Variants in NTM observed in about 807,000 individuals in gnomAD.
NTM encodes IgLON family member 2.
Under a neutral mutation model 42.1 loss-of-function variants are expected in NTM, and 13 were observed. That is an observed-to-expected ratio of 0.31 (90% CI 0.20 to 0.49). NTM has a LOEUF of 0.49. Among genes scored for constraint, NTM ranks in the 20% least tolerant of loss-of-function variants. The pLI, the probability that NTM is intolerant of heterozygous loss-of-function variation, is 0.99. For synonymous variants in NTM, 187 were observed against 179.2 expected (o/e 1.04, Z -0.35); for missense variants, 373 against 452.8 (o/e 0.82, Z 1.60).
At chr11:131,883,229 A>G (rs796217881) in intron 1 of NTM, among the ~76,000 whole-genome samples, 9 of 152,358 alleles carry the variant, frequency 5.9e-5, no homozygotes, top group African/African-American at 1.7e-4. Context: ...TCTTCTAATA[A>G]TTAAAAAGGA....
At chr11:131,730,724 G>T (rs111876383) in intron 1 of NTM, among the ~76,000 whole-genome samples, 4,970 of 120,040 alleles carry the variant, frequency 0.041, 383 homozygotes, top group African/African-American at 0.13. Context: ...TCTGTTAAAA[G>T]AAGAAGAAGA....
intron 1 of NTM, among the ~76,000 whole-genome samples, chr11:131,844,361 C>T (rs185944361): frequency 3.3e-5 from 5 of 152,248 alleles, no homozygotes; most frequent in Admixed American, 2.0e-4. Context: ...GCCCATTCCA[C>T]ACTACCTTAA....
At chr11:132,180,837 C>T (rs1329856405) in intron 3 of NTM, among the ~76,000 whole-genome samples, 3 of 152,166 alleles carry the variant, frequency 2.0e-5, no homozygotes, top group Admixed American at 6.5e-5. Flanking sequence ...ATTTTCTTTC[C>T]ATTGTATTCG....
chr11:131,685,331 G>A lies in NTM; in HGVS notation c.83-226233G>A, dbSNP rs186344743. On this transcript the variant is annotated intron_variant, in intron 1 of 8. Coordinates refer to ENST00000683400, the MANE Select transcript of NTM (RefSeq NM_001352005.2). ...CAGCTGGGGGCTCATGGAGAGTCGG[G>A]CATCCATGGGAAGCAGCTGGGGGCT... Among the ~76,000 whole-genome samples, 307 of 152,236 alleles carry A rather than the reference G, an allele frequency of 2.0e-3. 1 individual carries two copies. Among genetic ancestry groups the A allele is most frequent in the African/African-American group, 7.1e-3 (296 of 41,538 alleles).
intron 1 of NTM, among the ~76,000 whole-genome samples, chr11:131,558,141 G>T (rs1402918274): frequency 6.6e-6 from 1 of 152,190 alleles, no homozygotes; most frequent in Non-Finnish European, 1.5e-5. Context: ...GTGCAAGGCG[G>T]ATGCTTGAGG....
intron 1 of NTM, among the ~76,000 whole-genome samples, chr11:131,572,367 A>G (rs1041975360): frequency 2.6e-5 from 4 of 151,880 alleles, no homozygotes; most frequent in African/African-American, 9.7e-5. Flanking sequence ...CCCTAAGGAC[A>G]CTCTTAGGCA....
chr11:131,620,911 G>A (rs1057439947), intron 1 of NTM, among the ~76,000 whole-genome samples: 7 of 152,182 alleles, frequency 4.6e-5, no homozygotes, highest in African/African-American at 1.7e-4. Context: ...GCACATAGTA[G>A]ATGTCCAATA....
At chr11:131,896,426 T>C (rs2052274746) in intron 1 of NTM, among the ~76,000 whole-genome samples, 1 of 152,178 alleles carries the variant, frequency 6.6e-6, no homozygotes, top group Admixed American at 6.5e-5. Context: ...AGAATCACCA[T>C]GAATGTGACA....
intron 2 of NTM, among the ~76,000 whole-genome samples, chr11:131,974,697 T>C (rs548228149): frequency 3.9e-5 from 6 of 152,350 alleles, no homozygotes; most frequent in African/African-American, 1.4e-4. Flanking sequence ...AAAATGCTCT[T>C]TGCCTTAGTC....
At chr11:131,839,454 C>T (rs569429666) in intron 1 of NTM, among the ~76,000 whole-genome samples, 2 of 152,152 alleles carry the variant, frequency 1.3e-5, no homozygotes, top group Non-Finnish European at 2.9e-5. Flanking sequence ...GAAAGAAAGT[C>T]CACCTGAGGA....
At chr11:131,826,441 C>T (rs1376216001) in intron 1 of NTM, among the ~76,000 whole-genome samples, 1 of 151,984 alleles carries the variant, frequency 6.6e-6, no homozygotes, top group African/African-American at 2.4e-5. Flanking sequence ...GGAAGGACGT[C>T]TCTAGACTCT....
At chr11:131,611,423 T>A (rs1475088031) in intron 1 of NTM, among the ~76,000 whole-genome samples, 1 of 152,204 alleles carries the variant, frequency 6.6e-6, no homozygotes. Context: ...ACACGCTGCA[T>A]ATGAACATGA....
intron 1 of NTM, among the ~76,000 whole-genome samples, chr11:131,408,253 G>GAATA (rs2135733290): frequency 6.6e-6 from 1 of 152,284 alleles, no homozygotes; most frequent in East Asian, 1.9e-4. Context: ...TCTTGCTCAC[G>GAATA]TTTGCAAAAT....
chr11:132,174,070 G>A (rs917328154), intron 3 of NTM, among the ~76,000 whole-genome samples: 1 of 152,208 alleles, frequency 6.6e-6, no homozygotes, highest in South Asian at 2.1e-4. Flanking sequence ...TTCAACGGAG[G>A]GAAGCAGTGG....
intron 7 of NTM, 164 bp downstream of exon 7, chr11:132,314,867 G>A (rs1475497049): frequency 2.9e-6 from 4 of 1,373,644 alleles, no homozygotes; most frequent in Non-Finnish European, 3.7e-6. Context: ...TGGAGAGAGA[G>A]GGACAGAGAG....
intron 2 of NTM, among the ~76,000 whole-genome samples, chr11:131,914,155 G>C (rs2055843563): frequency 6.6e-6 from 1 of 152,180 alleles, no homozygotes; most frequent in Admixed American, 6.5e-5. Context: ...TATTTTGTTT[G>C]CATAAAAATT....
chr11:132,310,654 T>C lies in NTM; in HGVS notation c.782+422T>C, dbSNP rs1591916641. On this transcript the variant is annotated intron_variant, in intron 6 of 8. Transcript: ENST00000683400. ...TGGCTAATAAGTTAGCTGCAGCTAG[T>C]AGGTCTCCCCTCCTGTTCCAGACAC... Among the ~76,000 whole-genome samples the C allele has an allele frequency of 5.3e-5, 8 of 152,260 alleles. 1 individual carries two copies. The South Asian group carries it at 1.7e-3, about 32-fold the overall frequency.
intron 3 of NTM, among the ~76,000 whole-genome samples, chr11:132,158,167 G>T (rs546805148): frequency 1.3e-5 from 2 of 152,080 alleles, no homozygotes; most frequent in Admixed American, 6.5e-5. Context: ...TCCTTGGTCC[G>T]GCCACCAGTG....
Position 131,879,519 on chromosome 11 carries a change from C to G in NTM, c.83-32045C>G, listed in dbSNP as rs977603998. Reference sequence around the variant, plus strand: ...CTGAAGTAAACTTATTAGGTGAATTCAAGAATATAAAGCAAAATCGAGGGT... The same window carrying G: ...CTGAAGTAAACTTATTAGGTGAATTGAAGAATATAAAGCAAAATCGAGGGT... On this transcript the variant is annotated intron_variant, in intron 1 of 8. Transcript: ENST00000683400. Among the ~76,000 whole-genome samples, 4 of 152,160 alleles carry G rather than the reference C, an allele frequency of 2.6e-5. No individual in the cohort carries two copies. The East Asian group carries it at 7.7e-4, about 29-fold the overall frequency.
Sources: allele counts gnomAD v4.1 joint callset (sites outside exome capture counted in the v4.1 genomes callset), GRCh38; gene constraint gnomAD v4.1.1; transcripts MANE v1.5; gene names NCBI Gene and HGNC (gene_info 2026-07-23, HGNC 2026-07-21).